The following TAF2 variants were observed in gnomAD, a reference collection of about 807,000 sequenced individuals.
TAF2 encodes the protein transcription initiation factor TFIID subunit 2.
In TAF2, 61 loss-of-function variants were observed where a neutral mutation model predicts 138.5. That is an observed-to-expected ratio of 0.44 (90% CI 0.36 to 0.54). The LOEUF (loss-of-function observed/expected upper bound fraction) is 0.54, where lower values mean the gene tolerates loss of function less well. Ranked by LOEUF, TAF2 falls within the 20% of genes least tolerant of loss-of-function variation. The pLI is 0.00. For missense variants in TAF2, 1,090 were observed against 1,427.9 expected, an observed-to-expected ratio of 0.76 and a Z score of 3.81; for synonymous variants, 475 against 469.9, an observed-to-expected ratio of 1.01 and a Z score of -0.14.
intron 16 of TAF2, among the ~76,000 whole-genome samples, chr8:119,781,636 G>T (rs1047419494): frequency 3.3e-5 from 5 of 151,702 alleles, no homozygotes; most frequent in Admixed American, 6.6e-5. Flanking sequence ...AGTGAGCCAA[G>T]ATGGCACCAT....
At position 119,823,781 on chromosome 8, in the gene TAF2, G is replaced by A. The variant is rs567272855; in HGVS notation, c.139-4275C>T. Among the ~76,000 whole-genome samples the A allele has an allele frequency of 8.5e-5, 13 of 152,296 alleles. No individual in the cohort carries two copies. In the South Asian group the frequency reaches 1.2e-3, roughly 15 times the overall value. On this transcript the variant is annotated intron_variant, in intron 2 of 25. Coordinates refer to ENST00000378164, the MANE Select transcript of TAF2 (RefSeq NM_003184.4). ...GATGGCTCAGAAGACAGGAAAATGC[G>A]GGAAAGTTTGGAACTTCCTATAGAC...
At position 119,740,491 on chromosome 8, in the gene TAF2, T is replaced by TAAA. The variant is rs34577375; in HGVS notation, c.3337+2040_3337+2042dup. Among the ~76,000 whole-genome samples the TAAA allele has an allele frequency of 1.0e-3, 87 of 86,912 alleles. 1 individual carries two copies. Among genetic ancestry groups the TAAA allele is most frequent in the African/African-American group, 3.7e-3 (79 of 21,512 alleles). 57.0% of individuals were successfully genotyped at this position (86,912 alleles called of 152,430 possible). On this transcript the variant is annotated intron_variant, in intron 25 of 25. Transcript: ENST00000378164. ...CAATATGGTGAAATCCTGTCTCTAC[T>TAAA]AAAAAAAAAAAAAAAAAAAAAAAAT... is the stretch of plus-strand genomic sequence containing the variant.
intron 22 of TAF2, among the ~76,000 whole-genome samples, chr8:119,747,321 C>A (rs74889012): frequency 0.015 from 2,273 of 152,290 alleles, 60 homozygotes; most frequent in African/African-American, 0.052. Context: ...AGAAACCATA[C>A]AACTACTATT....
At chr8:119,769,435 T>C (rs1162688911) in intron 18 of TAF2, among the ~76,000 whole-genome samples, 1 of 152,122 alleles carries the variant, frequency 6.6e-6, no homozygotes, top group East Asian at 1.9e-4. Flanking sequence ...CAAGCTCTCT[T>C]ATCAGTGGAT....
At chr8:119,825,267 T>C (rs1249843958) in intron 2 of TAF2, among the ~76,000 whole-genome samples, 1 of 152,256 alleles carries the variant, frequency 6.6e-6, no homozygotes. Flanking sequence ...ATGGGGCCTG[T>C]AGCCCCTTTG....
rs1422228929 is a variant in TAF2 at position 119,783,637 on chromosome 8, C to G, written c.1860-4G>C. The G allele has an allele frequency of 6.2e-7, 1 of 1,612,004 alleles. No homozygotes were observed. The highest frequency in any genetic ancestry group is 8.5e-7 in the Non-Finnish European group (1 of 1,179,026). ...CCACAGCAAAGGGGAATCAGCACTG[C>G]AAGAAAATACAATTTTCTTTTTAAT... is the stretch of plus-strand genomic sequence containing the variant. On this transcript the variant is annotated splice_polypyrimidine_tract_variant and splice_region_variant and intron_variant, in intron 15 of 25. Transcript: ENST00000378164.
At chr8:119,765,392 C>T (rs1021469630) in intron 18 of TAF2, among the ~76,000 whole-genome samples, 2 of 151,888 alleles carry the variant, frequency 1.3e-5, no homozygotes, top group African/African-American at 2.4e-5. Context: ...CAGGAGGATA[C>T]GCTGATCTTA....
intron 18 of TAF2, among the ~76,000 whole-genome samples, chr8:119,768,214 G>A (rs777578002): frequency 3.9e-5 from 6 of 152,122 alleles, no homozygotes; most frequent in Non-Finnish European, 8.8e-5. Flanking sequence ...CACCACCTGC[G>A]TATTCTGCCA....
intron 21 of TAF2, among the ~76,000 whole-genome samples, chr8:119,756,465 T>C (rs1169584763): frequency 1.3e-5 from 2 of 152,154 alleles, no homozygotes; most frequent in Non-Finnish European, 2.9e-5. Flanking sequence ...TCCCACTTTC[T>C]AAAATGAACA....
At chr8:119,764,408 G>A (rs1298296141) in intron 18 of TAF2, among the ~76,000 whole-genome samples, 1 of 152,112 alleles carries the variant, frequency 6.6e-6, no homozygotes, top group African/African-American at 2.4e-5. Context: ...AACACAGTGA[G>A]TCTTATGTGG....
At chr8:119,794,706 T>C (rs1823695871) in intron 9 of TAF2, among the ~76,000 whole-genome samples, 1 of 152,192 alleles carries the variant, frequency 6.6e-6, no homozygotes, top group Non-Finnish European at 1.5e-5. Context: ...ATTTTAAGTG[T>C]TGTGTTACTT....
At chr8:119,747,014 A>G (rs1361750314) in intron 22 of TAF2, 80 bp from the exon 23 acceptor site, 1 of 1,437,840 alleles carries the variant, frequency 7.0e-7, no homozygotes, top group African/African-American at 1.4e-5. Flanking sequence ...CTGAACAACA[A>G]AAGGAACTTT....
At chr8:119,796,149 T>G (rs1823810856) in intron 8 of TAF2, among the ~76,000 whole-genome samples, 1 of 151,962 alleles carries the variant, frequency 6.6e-6, no homozygotes, top group South Asian at 2.1e-4. Flanking sequence ...TGTATACTCA[T>G]CCATCTATCC....
chr8:119,759,494 C>A (rs1413689699), intron 20 of TAF2, among the ~76,000 whole-genome samples: 1 of 152,104 alleles, frequency 6.6e-6, no homozygotes, highest in Non-Finnish European at 1.5e-5. Flanking sequence ...TTACTCCTCT[C>A]ATATTTTAGT....
chr8:119,779,753 T>C lies in TAF2; in HGVS notation c.2253+1300A>G, dbSNP rs562815123. Among the ~76,000 whole-genome samples, 6 of 152,258 alleles carry C rather than the reference T, an allele frequency of 3.9e-5. No individual in the cohort carries two copies. In the East Asian group the frequency reaches 1.2e-3, roughly 29 times the overall value. Reference sequence around the variant, plus strand: ...AAATAAATTTCAACTTGCCTAACATTCCCCTCAACATCTATCTTTTCACTT... The same window carrying C: ...AAATAAATTTCAACTTGCCTAACATCCCCCTCAACATCTATCTTTTCACTT... On this transcript the variant is annotated intron_variant, in intron 17 of 25. Transcript: ENST00000378164.
intron 18 of TAF2, among the ~76,000 whole-genome samples, chr8:119,777,309 A>G (rs1282446167): frequency 6.6e-6 from 1 of 152,158 alleles, no homozygotes; most frequent in Non-Finnish European, 1.5e-5. Context: ...CATTGTATCA[A>G]TTATCACATG....
intron 23 of TAF2, 50 bp from the exon 24 acceptor site, chr8:119,744,443 T>A: frequency 6.6e-7 from 1 of 1,513,716 alleles, no homozygotes; most frequent in Non-Finnish European, 9.1e-7. Context: ...TTACATCATG[T>A]TATGTTTGGA....
chr8:119,800,154 C>G (rs1258975218), intron 6 of TAF2, among the ~76,000 whole-genome samples: 3 of 152,110 alleles, frequency 2.0e-5, no homozygotes, highest in Non-Finnish European at 4.4e-5. Context: ...TTAATTAGAT[C>G]CCATTTGTCA....
At chr8:119,801,726 C>A in intron 6 of TAF2, 68 bp downstream of exon 6, 1 of 1,505,382 alleles carries the variant, frequency 6.6e-7, no homozygotes, top group Non-Finnish European at 9.2e-7. Context: ...CCGTGCCTTG[C>A]CAATATCTAT....
Sources: allele counts gnomAD v4.1 joint callset (sites outside exome capture counted in the v4.1 genomes callset), GRCh38; gene constraint gnomAD v4.1.1; transcripts MANE v1.5; gene names NCBI Gene and HGNC (gene_info 2026-07-23, HGNC 2026-07-21).